Variants in APOL2 observed in about 807,000 individuals in gnomAD.
APOL2 encodes apolipoprotein L2, also known as apolipoprotein L, 2.
APOL2 carries 8 observed loss-of-function variants against 7.1 expected under a neutral mutation model. That is an observed-to-expected ratio of 1.12 (90% CI 0.66 to 2.03). APOL2 has a LOEUF of 2.03. APOL2 is among the 30% of genes most tolerant of loss of function. APOL2 has a pLI of 0.00. For synonymous variants in APOL2, 177 were observed against 159.9 expected, an observed-to-expected ratio of 1.11 and a Z score of -0.81; for missense variants, 471 against 415.1, an observed-to-expected ratio of 1.13 and a Z score of -1.17.
intron 4 of APOL2, among the ~76,000 whole-genome samples, chr22:36,230,340 A>G (rs560827762): frequency 1.3e-5 from 2 of 152,316 alleles, no homozygotes; most frequent in Non-Finnish European, 2.9e-5. Flanking sequence ...GTTCCAAGGC[A>G]TGGGGTGAGA....
chr22:36,231,806 G>A (rs554922298), intron 3 of APOL2, among the ~76,000 whole-genome samples: 1 of 152,344 alleles, frequency 6.6e-6, no homozygotes, highest in African/African-American at 2.4e-5. Flanking sequence ...CGCAAAGGCA[G>A]CTGCCGCAAG....
At chr22:36,232,739 G>A (rs2015266327) in intron 3 of APOL2, among the ~76,000 whole-genome samples, 1 of 152,104 alleles carries the variant, frequency 6.6e-6, no homozygotes, top group Admixed American at 6.5e-5. Flanking sequence ...ACCGGCCTGT[G>A]CTGGAAAAAA....
In APOL2 at chr22:36,230,344, G is replaced by T. The variant is rs529666169; in HGVS notation, c.137+996C>A. On this transcript the variant is annotated intron_variant, in intron 4 of 4. Transcript: ENST00000358502. ...AGAACTCACCAGTTCCAAGGCATGGGGTGAGAGACACAGGCTACCATGACC... is the reference window on the plus strand; with the variant it reads ...AGAACTCACCAGTTCCAAGGCATGGTGTGAGAGACACAGGCTACCATGACC... Among the ~76,000 whole-genome samples, 5 of 152,262 alleles carry T rather than the reference G, an allele frequency of 3.3e-5. No individual in the cohort carries two copies. In the East Asian group the frequency reaches 5.8e-4, roughly 18 times the overall value.
chr22:36,231,924 A>T (rs2015239310), intron 3 of APOL2, among the ~76,000 whole-genome samples: 1 of 152,188 alleles, frequency 6.6e-6, no homozygotes, highest in Admixed American at 6.5e-5. Context: ...GTCCACCTGC[A>T]CTTCCATCCC....
upstream of APOL2, chr22:36,239,841 G>T: frequency 3.1e-6 from 1 of 319,958 alleles, no homozygotes; most frequent in Non-Finnish European, 5.9e-6. Flanking sequence ...TGAGCCGCTT[G>T]CCCCCCAACC....
chr22:36,239,796 C>A (rs2015540098), upstream of APOL2: 3 of 439,198 alleles, frequency 6.8e-6, no homozygotes, highest in Admixed American at 1.1e-4. Context: ...GCAGTCAGAA[C>A]CAGAGTTGAG....
chr22:36,228,370 G>C lies in APOL2; in HGVS notation c.138-90C>G. 3 of 1,479,570 alleles carry C rather than the reference G, an allele frequency of 2.0e-6. No homozygotes were observed. In the South Asian group the frequency reaches 4.1e-5, roughly 20 times the overall value. 91.7% of individuals were successfully genotyped at this position (1,479,570 alleles called of 1,614,324 possible). ...CGATCTCTATCCTGTGTAAATTGCAGAGCTTTCACTATCAATCAAATAGAA... is the reference window on the plus strand; with the variant it reads ...CGATCTCTATCCTGTGTAAATTGCACAGCTTTCACTATCAATCAAATAGAA... On this transcript the variant is annotated intron_variant, in intron 4 of 4. Coordinates refer to ENST00000358502, the MANE Select transcript of APOL2 (RefSeq NM_030882.4).
intron 1 of APOL2, chr22:36,237,222 G>A (rs756655828): frequency 7.2e-6 from 10 of 1,382,564 alleles, no homozygotes; most frequent in Non-Finnish European, 8.5e-6. Context: ...TGAGCCTGCA[G>A]GCTGGTCAAT....
chr22:36,231,474 G>A lies in APOL2; in HGVS notation c.11-8C>T, dbSNP rs200884047. On this transcript the variant is annotated splice_polypyrimidine_tract_variant and splice_region_variant and intron_variant, in intron 3 of 4. Transcript: ENST00000358502. ...CAATAAAGATACTGCTCTCTAGTTG[G>A]AAAGAAGAAAGGATAAGGTTGGAGG... 1 of 1,605,966 alleles carries A rather than the reference G, an allele frequency of 6.2e-7. No individual in the cohort carries two copies. The highest frequency in any genetic ancestry group is 1.4e-5 in the African/African-American group (1 of 69,298).
At chr22:36,236,593 C>T (rs2015411267) in intron 1 of APOL2, 2 of 985,318 alleles carry the variant, frequency 2.0e-6, no homozygotes, top group African/African-American at 3.5e-5. Flanking sequence ...GTTCTTTTCT[C>T]ACCTTGTGTC....
chr22:36,227,728 G>C lies in APOL2; in HGVS notation c.690C>G (p.Ala230=). The C allele has an allele frequency of 4.3e-6, 7 of 1,614,240 alleles. No homozygotes were observed. Among genetic ancestry groups the C allele is most frequent in the South Asian group, 1.1e-5 (1 of 91,082 alleles). The change falls in exon 5 of 5, where the codon GCC becomes GCG. Residue 230 remains alanine (A), a synonymous_variant. Coordinates refer to ENST00000358502, the MANE Select transcript of APOL2 (RefSeq NM_030882.4). Reference sequence around the variant, plus strand: ...ACGCTCCTAACTGAGGGTTGGCTCTGGCTCGTCTGATGGCACGGATGTTCC... The same window carrying C: ...ACGCTCCTAACTGAGGGTTGGCTCTCGCTCGTCTGATGGCACGGATGTTCC... The part of the protein sequence containing the change: ...IGRNIRAIRR[A]RANPQLGAYA...
chr22:36,235,756 G>GGTGTGTGTGTGTGT (rs869225053), intron 1 of APOL2, among the ~76,000 whole-genome samples: 5 of 113,044 alleles, frequency 4.4e-5, no homozygotes, highest in Non-Finnish European at 8.9e-5. Flanking sequence ...TGGGTGGGTG[G>GGTGTGTGTGTGTGT]GTGTGTGTGT....
At chr22:36,236,051 A>G (rs1324620960) in intron 1 of APOL2, among the ~76,000 whole-genome samples, 1 of 152,094 alleles carries the variant, frequency 6.6e-6, no homozygotes, top group Admixed American at 6.6e-5. Flanking sequence ...ACAAGGGAGG[A>G]AAAAAAACAA....
intron 3 of APOL2, among the ~76,000 whole-genome samples, 193 bp from the exon 4 acceptor site, chr22:36,231,659 T>C (rs2015230280): frequency 6.6e-6 from 1 of 152,180 alleles, no homozygotes; most frequent in South Asian, 2.1e-4. Context: ...CTCGAGTGAC[T>C]ATATTTGAAG....
At chr22:36,239,586 AG>A, upstream of APOL2, 2 of 1,375,632 alleles carry the variant, frequency 1.5e-6, no homozygotes, top group Non-Finnish European at 2.0e-6. Context: ...GGAAAGTGAA[AG>A]TCACAACTTC....
chr22:36,229,412 A>G (rs1227940479), intron 4 of APOL2, among the ~76,000 whole-genome samples: 1 of 152,172 alleles, frequency 6.6e-6, no homozygotes, highest in Non-Finnish European at 1.5e-5. Context: ...AATGTGATTC[A>G]CAGGAATTTT....
chr22:36,231,673 GGGCCTTTAA>G (rs2015230575), intron 3 of APOL2, among the ~76,000 whole-genome samples: 1 of 152,050 alleles, frequency 6.6e-6, no homozygotes, highest in Non-Finnish European at 1.5e-5. Context: ...TTTGAAGATT[GGGCCTTTAA>G]GGAAGCAATT....
Position 36,228,222 on chromosome 22 carries a change from T to C in APOL2, c.196A>G (p.Lys66Glu). 6.2e-7 allele frequency: 1 copy of C among 1,614,190 alleles called. No homozygotes were observed. Residue 66 changes from lysine to glutamate, a missense_variant, in exon 5 of 5, where the codon AAG (lysine) becomes GAG (glutamate). Transcript: ENST00000358502. ...LNKLASHMVM[K>E]DKNRHDKDQQ... ...TCTTTATCGTGGCGGTTTTTGTCCT[T>C]CATGACCATGTGACTTGCAAGCTTG...
chr22:36,237,659 G>A (rs959989037), intron 1 of APOL2, among the ~76,000 whole-genome samples: 3 of 152,182 alleles, frequency 2.0e-5, no homozygotes, highest in Middle Eastern at 3.4e-3. Flanking sequence ...TGATTCTCCC[G>A]CCTCTGCCTC....
Sources: allele counts gnomAD v4.1 joint callset (sites outside exome capture counted in the v4.1 genomes callset), GRCh38; gene constraint gnomAD v4.1.1; transcripts MANE v1.5; gene names NCBI Gene and HGNC (gene_info 2026-07-23, HGNC 2026-07-21).